The following ARHGAP15 variants were observed in gnomAD, a reference collection of about 807,000 sequenced individuals.
ARHGAP15 encodes the protein rho GTPase-activating protein 15.
ARHGAP15 carries 51 observed loss-of-function variants against 63.7 expected under a neutral mutation model. The observed-to-expected ratio is 0.80, with a 90% confidence interval of 0.64 to 1.01. The LOEUF (loss-of-function observed/expected upper bound fraction) is 1.01. Among genes scored for constraint, ARHGAP15 ranks in the 50% least tolerant of loss-of-function variants. ARHGAP15 has a pLI of 0.00. For synonymous variants in ARHGAP15, 191 were observed against 193.8 expected, an observed-to-expected ratio of 0.99 and a Z score of 0.12; for missense variants, 560 against 564.6, an observed-to-expected ratio of 0.99 and a Z score of 0.08.
At chr2:143,252,265 T>C (rs989429340) in intron 6 of ARHGAP15, among the ~76,000 whole-genome samples, 4 of 152,058 alleles carry the variant, frequency 2.6e-5, no homozygotes, top group African/African-American at 9.7e-5. Flanking sequence ...TGTATATTTT[T>C]ATATAACTAT....
At chr2:143,435,100 A>G (rs1375369406) in intron 6 of ARHGAP15, among the ~76,000 whole-genome samples, 1 of 152,128 alleles carries the variant, frequency 6.6e-6, no homozygotes, top group Non-Finnish European at 1.5e-5. Context: ...GTCAAATGTT[A>G]TTCATTTCAA....
intron 2 of ARHGAP15, among the ~76,000 whole-genome samples, chr2:143,185,008 C>T (rs1048911868): frequency 1.3e-5 from 2 of 152,056 alleles, no homozygotes; most frequent in Non-Finnish European, 2.9e-5. Flanking sequence ...ACAGAAATTA[C>T]TCAAGAAATA....
At chr2:143,284,698 A>T (rs1682010979) in intron 6 of ARHGAP15, among the ~76,000 whole-genome samples, 1 of 152,210 alleles carries the variant, frequency 6.6e-6, no homozygotes, top group Non-Finnish European at 1.5e-5. Flanking sequence ...ACATTGAGCT[A>T]AACCCACAAA....
chr2:143,359,519 C>T (rs1685950500), intron 6 of ARHGAP15, among the ~76,000 whole-genome samples: 2 of 152,058 alleles, frequency 1.3e-5, no homozygotes, highest in African/African-American at 4.8e-5. Flanking sequence ...TTGCCAGTGC[C>T]TTCATCCCTC....
chr2:143,443,942 A>G (rs1334580684), intron 8 of ARHGAP15, among the ~76,000 whole-genome samples: 2 of 152,188 alleles, frequency 1.3e-5, no homozygotes, highest in Non-Finnish European at 2.9e-5. Context: ...AGAGGACTTC[A>G]TTATGAGCTG....
chr2:143,623,276 G>A (rs560549401), intron 11 of ARHGAP15, among the ~76,000 whole-genome samples: 9 of 152,262 alleles, frequency 5.9e-5, no homozygotes, highest in African/African-American at 1.4e-4. Flanking sequence ...AGGGTGAAAA[G>A]GACAAAAATA....
intron 12 of ARHGAP15, among the ~76,000 whole-genome samples, chr2:143,638,665 TAAATA>T (rs1312483692): frequency 4.6e-5 from 4 of 87,732 alleles, no homozygotes; most frequent in African/African-American, 8.9e-5. Flanking sequence ...AAAAAATAAA[TAAATA>T]AAAGAAAAAA....
intron 6 of ARHGAP15, among the ~76,000 whole-genome samples, chr2:143,358,714 A>G (rs1316893260): frequency 2.6e-5 from 4 of 151,756 alleles, no homozygotes; most frequent in Non-Finnish European, 5.9e-5. Flanking sequence ...ATTCTTCTAT[A>G]TAAGTTTTTC....
chr2:143,454,470 C>T (rs976201226), intron 8 of ARHGAP15, among the ~76,000 whole-genome samples: 4 of 151,984 alleles, frequency 2.6e-5, no homozygotes, highest in African/African-American at 7.2e-5. Flanking sequence ...TTTGGAAGTC[C>T]TACCAGTGGA....
At chr2:143,666,397 A>C (rs1386163618) in intron 12 of ARHGAP15, among the ~76,000 whole-genome samples, 3 of 152,180 alleles carry the variant, frequency 2.0e-5, no homozygotes, top group African/African-American at 7.2e-5. Context: ...TCGCTTCCTT[A>C]CACCTTATAC....
intron 12 of ARHGAP15, among the ~76,000 whole-genome samples, chr2:143,677,935 C>A (rs552501320): frequency 6.6e-5 from 10 of 152,128 alleles, no homozygotes; most frequent in African/African-American, 2.4e-4. Flanking sequence ...AGGTCAGGTG[C>A]GGTAGCTCAT....
At chr2:143,661,221 A>G (rs1200139429) in intron 12 of ARHGAP15, among the ~76,000 whole-genome samples, 1 of 152,182 alleles carries the variant, frequency 6.6e-6, no homozygotes, top group Non-Finnish European at 1.5e-5. Flanking sequence ...CTCACCTCAA[A>G]GTCCTTAACT....
intron 11 of ARHGAP15, among the ~76,000 whole-genome samples, chr2:143,591,715 G>A (rs906367402): frequency 2.0e-5 from 3 of 151,564 alleles, no homozygotes; most frequent in African/African-American, 4.8e-5. Context: ...CGCCTCTCAG[G>A]TTCAAGCGAT....
At chr2:143,252,970 G>C (rs1472557487) in intron 6 of ARHGAP15, among the ~76,000 whole-genome samples, 2 of 152,002 alleles carry the variant, frequency 1.3e-5, no homozygotes, top group African/African-American at 4.8e-5. Context: ...TGTGTGCAAT[G>C]GTTTCATTAC....
chr2:143,224,469 G>C (rs545204164), intron 4 of ARHGAP15, among the ~76,000 whole-genome samples: 4 of 152,162 alleles, frequency 2.6e-5, no homozygotes, highest in Non-Finnish European at 5.9e-5. Flanking sequence ...TAAGAGGAGA[G>C]AGGTGGTTTC....
At chr2:143,240,194 T>C (rs1158237840) in intron 5 of ARHGAP15, among the ~76,000 whole-genome samples, 1 of 149,614 alleles carries the variant, frequency 6.7e-6, no homozygotes, top group East Asian at 1.9e-4. Context: ...TAAAACAAAA[T>C]AAAATAAAAT....
At chr2:143,514,939 T>C (rs1693744360) in intron 9 of ARHGAP15, among the ~76,000 whole-genome samples, 1 of 152,142 alleles carries the variant, frequency 6.6e-6, no homozygotes, top group African/African-American at 2.4e-5. Context: ...AAGAAGACAT[T>C]TGGCCGAGCC....
intron 13 of ARHGAP15, among the ~76,000 whole-genome samples, chr2:143,765,032 G>A (rs570903419): frequency 6.6e-6 from 1 of 151,736 alleles, no homozygotes; most frequent in African/African-American, 2.4e-5. Flanking sequence ...AATGGGTAAA[G>A]TTATTAAAAG....
intron 6 of ARHGAP15, among the ~76,000 whole-genome samples, chr2:143,293,997 G>A (rs1682522763): frequency 1.3e-5 from 2 of 152,004 alleles, no homozygotes. Flanking sequence ...TAACTCAATG[G>A]TAAATTAGTC....
Sources: allele counts gnomAD v4.1 joint callset (sites outside exome capture counted in the v4.1 genomes callset), GRCh38; gene constraint gnomAD v4.1.1; transcripts MANE v1.5; gene names NCBI Gene and HGNC (gene_info 2026-07-23, HGNC 2026-07-21).